Variants in NAV2 observed in about 807,000 individuals in gnomAD.
NAV2 encodes the protein neuron navigator 2, also known as helicase, APC down-regulated 1.
Under a neutral mutation model 223.2 loss-of-function variants are expected in NAV2, and 54 were observed. That is an observed-to-expected ratio of 0.24 (90% CI 0.19 to 0.30). NAV2 has a LOEUF of 0.30. Ranked by LOEUF, NAV2 falls within the 10% of genes least tolerant of loss-of-function variation. NAV2 has a pLI of 1.00. For missense variants in NAV2, 2,806 were observed against 3,147.5 expected, an observed-to-expected ratio of 0.89 and a Z score of 2.60; for synonymous variants, 1,279 against 1,239.3, an observed-to-expected ratio of 1.03 and a Z score of -0.67.
intron 1 of NAV2, among the ~76,000 whole-genome samples, chr11:19,424,059 T>TGATAA (rs1310951784): frequency 1.3e-5 from 2 of 152,228 alleles, no homozygotes; most frequent in African/African-American, 4.8e-5. Flanking sequence ...TGCTGCACTG[T>TGATAA]GATAAACTAA....
At chr11:19,876,552 T>C (rs2062841992) in intron 4 of NAV2, among the ~76,000 whole-genome samples, 1 of 152,170 alleles carries the variant, frequency 6.6e-6, no homozygotes, top group Non-Finnish European at 1.5e-5. Context: ...AGAGGAAATA[T>C]ATTTATTGGA....
At chr11:20,012,308 C>A (rs1028732358) in intron 11 of NAV2, among the ~76,000 whole-genome samples, 5 of 152,260 alleles carry the variant, frequency 3.3e-5, no homozygotes, top group Non-Finnish European at 5.9e-5. Flanking sequence ...GTGGTTTTTG[C>A]CATTACTCTT....
intron 1 of NAV2, among the ~76,000 whole-genome samples, chr11:19,610,252 T>C (rs2046598473): frequency 6.6e-6 from 1 of 152,238 alleles, no homozygotes; most frequent in Admixed American, 6.5e-5. Context: ...TTTTTTTCTT[T>C]TATGTTTCAA....
chr11:19,957,725 G>A (rs772046845), intron 10 of NAV2, among the ~76,000 whole-genome samples: 3 of 152,168 alleles, frequency 2.0e-5, no homozygotes, highest in Admixed American at 6.5e-5. Context: ...ACTCCCATGC[G>A]CACTCTGTCC....
chr11:19,437,878 A>G (rs1203143503), intron 1 of NAV2, among the ~76,000 whole-genome samples: 4 of 152,206 alleles, frequency 2.6e-5, no homozygotes, highest in African/African-American at 4.8e-5. Context: ...GTATTCCTCA[A>G]ACATCTCCAA....
intron 1 of NAV2, among the ~76,000 whole-genome samples, chr11:19,409,610 T>C (rs1311820667): frequency 6.6e-6 from 1 of 152,188 alleles, no homozygotes; most frequent in Non-Finnish European, 1.5e-5. Flanking sequence ...GACTGTCTGG[T>C]CTGAGCGGCC....
intron 1 of NAV2, among the ~76,000 whole-genome samples, chr11:19,448,964 A>T (rs955636888): frequency 6.6e-6 from 1 of 152,118 alleles, no homozygotes; most frequent in African/African-American, 2.4e-5. Context: ...TGTAAAATAA[A>T]CCACCCAGTA....
In NAV2 at chr11:19,693,916, G is replaced by A. The variant is rs142605921; in HGVS notation, c.76-138568G>A. On this transcript the variant is annotated intron_variant, in intron 1 of 37. Transcript: ENST00000360655. Reference sequence around the variant, plus strand: ...TTGGACTGTAAAATATCATTAGGCCGATGTATAGGAAATCACCATTTTTGA... The same window carrying A: ...TTGGACTGTAAAATATCATTAGGCCAATGTATAGGAAATCACCATTTTTGA... 4.8e-3 allele frequency among the ~76,000 whole-genome samples: 734 copies of A among 152,276 alleles called. 2 individuals carry two copies. Among genetic ancestry groups the A allele is most frequent in the African/African-American group, 0.017 (701 of 41,542 alleles).
chr11:19,884,307 G>C, intron 5 of NAV2: 1 of 1,613,722 alleles, frequency 6.2e-7, no homozygotes, highest in Non-Finnish European at 8.5e-7. Context: ...ATCATCCAAG[G>C]ACTCATCTCA....
chr11:19,861,054 G>A (rs1343887079), intron 3 of NAV2, among the ~76,000 whole-genome samples: 1 of 143,412 alleles, frequency 7.0e-6, no homozygotes, highest in Non-Finnish European at 1.5e-5. Context: ...GGGGGAGGGG[G>A]AGGGGGAAAG....
intron 1 of NAV2, among the ~76,000 whole-genome samples, chr11:19,731,920 G>T (rs1241007719): frequency 6.6e-6 from 1 of 152,152 alleles, no homozygotes; most frequent in Non-Finnish European, 1.5e-5. Flanking sequence ...AATACAGAGG[G>T]GTTAGGAATG....
At chr11:19,934,887 A>C (rs1266487528) in intron 7 of NAV2, among the ~76,000 whole-genome samples, 1 of 152,022 alleles carries the variant, frequency 6.6e-6, no homozygotes, top group East Asian at 1.9e-4. Flanking sequence ...GTGGAGATGG[A>C]TGGATCCTTC....
At chr11:20,057,990 C>A (rs551684418) in intron 19 of NAV2, among the ~76,000 whole-genome samples, 8 of 152,104 alleles carry the variant, frequency 5.3e-5, no homozygotes, top group Non-Finnish European at 8.8e-5. Context: ...GGATAGGGAC[C>A]GCTGTCAATA....
intron 1 of NAV2, among the ~76,000 whole-genome samples, chr11:19,619,030 T>C (rs1464845767): frequency 3.3e-5 from 2 of 61,396 alleles, no homozygotes; most frequent in African/African-American, 1.3e-4. Flanking sequence ...GTCCTTGTGA[T>C]AGTTTGCTCA....
chr11:20,001,365 C>T (rs569847302), intron 11 of NAV2, among the ~76,000 whole-genome samples: 36 of 152,192 alleles, frequency 2.4e-4, no homozygotes, highest in African/African-American at 8.4e-4. Flanking sequence ...TGTTGCTTGG[C>T]TTGAAGACAG....
At chr11:20,071,632 T>C (rs4340029) in intron 22 of NAV2, among the ~76,000 whole-genome samples, 150,898 of 152,262 alleles carry the variant, frequency 0.99, 74,786 homozygotes, top group East Asian at 1. Context: ...CTGTTGTTCC[T>C]TGACTTTTTA....
chr11:19,623,956 T>C (rs1293656530), intron 1 of NAV2, among the ~76,000 whole-genome samples: 1 of 152,220 alleles, frequency 6.6e-6, no homozygotes, highest in African/African-American at 2.4e-5. Flanking sequence ...GGTGTGGATG[T>C]CCTTTCTGTT....
At chr11:20,089,605 A>T (rs1048405204) in intron 26 of NAV2, among the ~76,000 whole-genome samples, 2 of 152,190 alleles carry the variant, frequency 1.3e-5, no homozygotes, top group African/African-American at 4.8e-5. Flanking sequence ...AACTTTATGA[A>T]CTTGAGAGTG....
At chr11:20,069,790 A>G (rs1343258590) in intron 22 of NAV2, among the ~76,000 whole-genome samples, 1 of 152,116 alleles carries the variant, frequency 6.6e-6, no homozygotes, top group African/African-American at 2.4e-5. Flanking sequence ...CAACTAGAAA[A>G]CTGAGCCAGT....
Sources: allele counts gnomAD v4.1 joint callset (sites outside exome capture counted in the v4.1 genomes callset), GRCh38; gene constraint gnomAD v4.1.1; transcripts MANE v1.5; gene names NCBI Gene and HGNC (gene_info 2026-07-23, HGNC 2026-07-21).